The following ASAP3 variants were observed in gnomAD, a reference collection of about 807,000 sequenced individuals.
ASAP3 encodes the protein arf-GAP with SH3 domain, ANK repeat and PH domain-containing protein 3.
ASAP3 carries 85 observed loss-of-function variants against 118.2 expected under a neutral mutation model. The observed-to-expected ratio is 0.72, with a 90% CI of 0.60 to 0.86. The LOEUF is 0.86. Among genes scored for constraint, ASAP3 ranks in the 40% least tolerant of loss-of-function variants. The probability of loss-of-function intolerance (pLI) is 0.00; values close to 1 mark genes in which losing one functional copy is unlikely to be tolerated. For synonymous variants in ASAP3, 432 were observed against 477.4 expected, an observed-to-expected ratio of 0.90 and a Z score of 1.24; for missense variants, 1,026 against 1,175.0, an observed-to-expected ratio of 0.87 and a Z score of 1.85.
chr1:23,468,674 C>T (rs1453791730), intron 1 of ASAP3, among the ~76,000 whole-genome samples: 3 of 43,736 alleles, frequency 6.9e-5, no homozygotes, highest in Non-Finnish European at 2.3e-4. Flanking sequence ...AGTTTGAGAC[C>T]ATCCTTTAGT....
chr1:23,479,353 G>A (rs115145061), intron 1 of ASAP3, among the ~76,000 whole-genome samples: 5,221 of 152,242 alleles, frequency 0.034, 131 homozygotes, highest in Middle Eastern at 0.12. Flanking sequence ...TCCAGTTCCA[G>A]GCCCTGGAGA....
At position 23,442,498 on chromosome 1, in the gene ASAP3, T is replaced by TCCAG; in HGVS notation, c.585+2_585+3insCTGG. The TCCAG allele has an allele frequency of 6.2e-7, 1 of 1,613,402 alleles. No individual in the cohort carries two copies. The highest frequency in any genetic ancestry group is 8.5e-7 in the Non-Finnish European group (1 of 1,179,688). On this transcript the variant is annotated splice_region_variant and intron_variant, in intron 6 of 24. Transcript: ENST00000336689. ...CCCCTCCCTCATCCAGAGCACCCCT[T>TCCAG]ACCTCACACATGTGCAGCTGGAAGA...
intron 5 of ASAP3, among the ~76,000 whole-genome samples, chr1:23,447,659 G>T (rs1225521397): frequency 6.6e-6 from 1 of 152,164 alleles, no homozygotes; most frequent in Non-Finnish European, 1.5e-5. Context: ...TCAAGTGATG[G>T]CAATGATGAC....
At chr1:23,452,352 C>G (rs1340050390) in intron 4 of ASAP3, among the ~76,000 whole-genome samples, 1 of 152,230 alleles carries the variant, frequency 6.6e-6, no homozygotes, top group African/African-American at 2.4e-5. Flanking sequence ...TGGATTCCCA[C>G]ATGGGCTCTC....
chr1:23,436,561 T>C lies in ASAP3; in HGVS notation c.1570A>G (p.Met524Val). ...CCCTCTCTCTGAGAATCCCCTTACATGTCACTCTCAGCTGAGGGTTTAGGG... is the reference window on the plus strand; with the variant it reads ...CCCTCTCTCTGAGAATCCCCTTACACGTCACTCTCAGCTGAGGGTTTAGGG... The part of the protein sequence containing the change: ...GGPKPSAESD[M>V]GTRRDYIMAK... The change falls in exon 16 of 25, where the codon ATG becomes GTG. Residue 524 changes from methionine (M) to valine (V), a missense_variant and splice_region_variant. Transcript: ENST00000336689. This position sits in a 1 kb window ranked among gnomAD's most constrained non-coding sequence, Gnocchi z 4.2. 1.2e-6 allele frequency: 2 copies of C among 1,614,056 alleles called. No individual in the cohort carries two copies. Among genetic ancestry groups the C allele is most frequent in the Non-Finnish European group, 1.7e-6 (2 of 1,179,884 alleles).
At chr1:23,460,506 C>CAAAAAAAAAA (rs71023213) in intron 1 of ASAP3, among the ~76,000 whole-genome samples, 42 of 84,746 alleles carry the variant, frequency 5.0e-4, no homozygotes, top group Non-Finnish European at 6.9e-4. Flanking sequence ...GACTCCATCT[C>CAAAAAAAAAA]AAAAAAAAAA....
chr1:23,479,787 T>C (rs934424685), intron 1 of ASAP3: 1 of 152,234 alleles, frequency 6.6e-6, no homozygotes, highest in African/African-American at 2.4e-5. Flanking sequence ...TTGGGAAGCA[T>C]GTACATTTCC....
Position 23,441,103 on chromosome 1 carries a change from C to T in ASAP3, c.943G>A (p.Gly315Arg), listed in dbSNP as rs1640856344. The T allele has an allele frequency of 2.5e-6, 4 of 1,613,954 alleles. No individual in the cohort carries two copies. Among genetic ancestry groups the T allele is most frequent in the South Asian group, 2.2e-5 (2 of 91,060 alleles). Reference protein sequence around the residue: ...KVGFLYKKSDGIRRVWQKRKC... With the variant: ...KVGFLYKKSDRIRRVWQKRKC... Reference sequence around the variant, plus strand: ...TTATGTAAGCTCTGAATCACTTACCCGTCACTTTTCTTGTATAGAAAGCCC... The same window carrying T: ...TTATGTAAGCTCTGAATCACTTACCTGTCACTTTTCTTGTATAGAAAGCCC... Residue 315 changes from glycine to arginine, a missense_variant and splice_region_variant, in exon 10 of 25, where the codon GGA becomes AGA. Physicochemically the swap from Gly to Arg is moderately radical, Grantham distance 125. Transcript: ENST00000336689.
chr1:23,429,752 T>A lies in ASAP3; in HGVS notation c.*104A>T, dbSNP rs1377429354. On this transcript the variant is annotated 3_prime_UTR_variant, in exon 25 of 25. Coordinates refer to ENST00000336689, the MANE Select transcript of ASAP3 (RefSeq NM_017707.4). ...ACAGAGGCACAAGGGACAGAGAGAG[T>A]GAGATCCAAGAGAACAAATGTCTCA... is the stretch of plus-strand genomic sequence containing the variant. 2 of 1,160,024 alleles carry A rather than the reference T, an allele frequency of 1.7e-6. No homozygotes were observed. The highest frequency in any genetic ancestry group is 2.4e-6 in the Non-Finnish European group (2 of 816,602). The allele number at this position is 1,160,024 out of a possible 1,614,324, so 71.9% of individuals were successfully genotyped here.
intron 1 of ASAP3, among the ~76,000 whole-genome samples, chr1:23,461,441 G>A (rs374711026): frequency 1.3e-5 from 2 of 152,092 alleles, no homozygotes; most frequent in East Asian, 1.9e-4. Flanking sequence ...AAGCTGGGGC[G>A]GGAGGATTGC....
intron 5 of ASAP3, among the ~76,000 whole-genome samples, chr1:23,448,940 C>A (rs1641129653): frequency 6.6e-6 from 1 of 152,172 alleles, no homozygotes; most frequent in African/African-American, 2.4e-5. Flanking sequence ...GTGCCTAAGC[C>A]TTAGGGGCAG....
rs767636027 is a variant in ASAP3, at chr1:23,484,164, G to C, written c.-31C>G. ...GCGCGAGCGTGGAGCTGCCGGAGCGGGGCGCGGGGGGCACTGAGCTGCTCC... is the reference window on the plus strand; with the variant it reads ...GCGCGAGCGTGGAGCTGCCGGAGCGCGGCGCGGGGGGCACTGAGCTGCTCC... On this transcript the variant is annotated 5_prime_UTR_variant, in exon 1 of 25. Transcript: ENST00000336689. 840 of 1,252,214 alleles carry C rather than the reference G, an allele frequency of 6.7e-4. No homozygotes were observed. The highest frequency in any genetic ancestry group is 1.2e-3 in the Middle Eastern group (4 of 3,246). The allele number at this position is 1,252,214 out of a possible 1,614,324, so 77.6% of individuals were successfully genotyped here.
rs931828010 is a variant in ASAP3, at chr1:23,484,171, G to A, written c.-38C>T. The A allele has an allele frequency of 8.0e-7, 1 of 1,245,900 alleles. No individual in the cohort carries two copies. The highest frequency in any genetic ancestry group is 1.0e-6 in the Non-Finnish European group (1 of 995,292). The allele number at this position is 1,245,900 out of a possible 1,614,324, so 77.2% of individuals were successfully genotyped here. A position where few individuals can be genotyped will look rare whatever the true frequency, so the allele number is the denominator to read the frequency against. On this transcript the variant is annotated 5_prime_UTR_variant, in exon 1 of 25. Transcript: ENST00000336689. ...CGTGGAGCTGCCGGAGCGGGGCGCG[G>A]GGGGCACTGAGCTGCTCCGCGCTGA... is the stretch of plus-strand genomic sequence containing the variant.
rs1185091955 is a variant in ASAP3, at chr1:23,444,955, T to G, written c.474-2343A>C. 2.9e-5 allele frequency among the ~76,000 whole-genome samples: 4 copies of G among 139,724 alleles called. No homozygotes were observed. The East Asian group carries it at 8.3e-4, about 29-fold the overall frequency. The allele number at this position is 139,724 out of a possible 152,430, so 91.7% of individuals were successfully genotyped here. ...AGAAATGTCTCCAGACATTGCAGGCTCTGTAGGCTTTTTTTTTTTTTTTTA... is the reference window on the plus strand; with the variant it reads ...AGAAATGTCTCCAGACATTGCAGGCGCTGTAGGCTTTTTTTTTTTTTTTTA... On this transcript the variant is annotated intron_variant, in intron 5 of 24. Transcript: ENST00000336689.
At chr1:23,474,744 G>A (rs537797065) in intron 1 of ASAP3, among the ~76,000 whole-genome samples, 21 of 152,090 alleles carry the variant, frequency 1.4e-4, no homozygotes, top group African/African-American at 3.1e-4. Context: ...CACCACGCCC[G>A]GCTAATTTTT....
chr1:23,454,862 G>A (rs1641333780), intron 3 of ASAP3, among the ~76,000 whole-genome samples: 1 of 152,224 alleles, frequency 6.6e-6, no homozygotes, highest in Admixed American at 6.5e-5. Context: ...AGAGACCTGG[G>A]GCTTGGGCAG....
chr1:23,452,466 G>A (rs1002276682), intron 4 of ASAP3, among the ~76,000 whole-genome samples: 26 of 152,242 alleles, frequency 1.7e-4, no homozygotes, highest in Non-Finnish European at 2.8e-4. Context: ...TACCTCATAG[G>A]ATGGTTGTAA....
intron 1 of ASAP3, chr1:23,480,011 A>C (rs1337054779): frequency 6.6e-6 from 1 of 151,970 alleles, no homozygotes; most frequent in Non-Finnish European, 1.5e-5. Flanking sequence ...CCAACCCTAC[A>C]AAAAATACAA....
In ASAP3 at chr1:23,438,893, G is replaced by A. The variant is rs1640769073; in HGVS notation, c.1015-59C>T. ...TACCTCTGGCCCTCCACATTCTTTA[G>A]GCCTCCATTTCCCACTCTGTTAAAT... On this transcript the variant is annotated intron_variant, in intron 11 of 24. Transcript: ENST00000336689. The surrounding 1 kb of genome is among the most constrained non-coding windows in gnomAD (Gnocchi z 4.9). The A allele has an allele frequency of 2.6e-6, 4 of 1,535,784 alleles. No individual in the cohort carries two copies. Among genetic ancestry groups the A allele is most frequent in the Non-Finnish European group, 3.6e-6 (4 of 1,110,340 alleles).
Sources: gnomAD v4.1 joint callset for allele counts (sites outside exome capture counted in the v4.1 genomes callset) on GRCh38, gnomAD v4.1.1 for gene constraint, Gnocchi (gnomAD v3.1) non-coding constraint, MANE v1.5 for transcripts, NCBI Gene and HGNC (gene_info 2026-07-23, HGNC 2026-07-21) for gene names.